PDGFC: variants seen among roughly 807,000 people sequenced by gnomAD.
PDGFC encodes platelet derived growth factor C.
In PDGFC, 12 loss-of-function variants were observed where a neutral mutation model predicts 35.5. The observed-to-expected ratio is 0.34, with a 90% CI of 0.22 to 0.55. The LOEUF (loss-of-function observed/expected upper bound fraction) is 0.55. Among genes scored for constraint, PDGFC ranks in the 20% least tolerant of loss-of-function variants. The pLI, the probability that PDGFC is intolerant of heterozygous loss-of-function variation, is 0.91. For synonymous variants in PDGFC, 159 were observed against 148.8 expected (o/e 1.07, Z -0.50); for missense variants, 322 against 412.4 (o/e 0.78, Z 1.90).
chr4:156,945,071 C>T (rs1320510624), intron 1 of PDGFC, among the ~76,000 whole-genome samples: 2 of 151,722 alleles, frequency 1.3e-5, no homozygotes, highest in Non-Finnish European at 2.9e-5. Context: ...ACTCTCTAAC[C>T]CCCAAAACAC....
chr4:156,962,626 T>C (rs1240885745), intron 1 of PDGFC, among the ~76,000 whole-genome samples: 2 of 152,164 alleles, frequency 1.3e-5, no homozygotes, highest in Admixed American at 1.3e-4. Context: ...ATGAAAACAA[T>C]GTTCTAATAA....
intron 3 of PDGFC, among the ~76,000 whole-genome samples, chr4:156,805,202 G>A (rs1016381144): frequency 1.3e-5 from 2 of 151,964 alleles, no homozygotes; most frequent in Admixed American, 6.6e-5. Context: ...TAATTTCCTA[G>A]CTGCAATAAA....
chr4:156,967,964 T>C (rs369889697), intron 1 of PDGFC, among the ~76,000 whole-genome samples: 7 of 152,294 alleles, frequency 4.6e-5, no homozygotes, highest in African/African-American at 1.7e-4. Context: ...GGATAAAACT[T>C]TGTACAGTAA....
At chr4:156,845,405 G>A (rs1307593467) in intron 2 of PDGFC, among the ~76,000 whole-genome samples, 1 of 151,668 alleles carries the variant, frequency 6.6e-6, no homozygotes, top group African/African-American at 2.4e-5. Context: ...TACAGAGAGA[G>A]AAGCTAGCCA....
At chr4:156,854,829 T>G (rs989346954) in intron 1 of PDGFC, among the ~76,000 whole-genome samples, 4 of 152,092 alleles carry the variant, frequency 2.6e-5, no homozygotes, top group African/African-American at 9.7e-5. Flanking sequence ...AAAAAAAAGT[T>G]TATAGTCAAA....
At chr4:156,797,780 G>A (rs1731488615) in intron 3 of PDGFC, among the ~76,000 whole-genome samples, 1 of 152,176 alleles carries the variant, frequency 6.6e-6, no homozygotes, top group African/African-American at 2.4e-5. Context: ...TTGAAGTACG[G>A]CTGCTGTGAT....
intron 2 of PDGFC, among the ~76,000 whole-genome samples, chr4:156,840,953 G>A (rs1441187398): frequency 6.6e-6 from 1 of 152,116 alleles, no homozygotes; most frequent in Non-Finnish European, 1.5e-5. Context: ...ATCAATGCCT[G>A]TACCCCCATT....
intron 1 of PDGFC, among the ~76,000 whole-genome samples, chr4:156,942,202 C>T (rs1335864158): frequency 6.6e-6 from 1 of 152,034 alleles, no homozygotes; most frequent in African/African-American, 2.4e-5. Context: ...TAAATACATG[C>T]CATTCCTTTG....
chr4:156,765,233 A>G (rs1730490852), intron 5 of PDGFC, among the ~76,000 whole-genome samples: 1 of 152,196 alleles, frequency 6.6e-6, no homozygotes, highest in South Asian at 2.1e-4. Context: ...AGAAAAATAG[A>G]CTTGGAAAAT....
intron 3 of PDGFC, among the ~76,000 whole-genome samples, chr4:156,780,868 A>G (rs1730959644): frequency 2.0e-5 from 3 of 152,152 alleles, no homozygotes; most frequent in Non-Finnish European, 4.4e-5. Context: ...TAACTGACCA[A>G]TCAGTGTGTG....
chr4:156,928,334 TC>T (rs749542407), intron 1 of PDGFC, among the ~76,000 whole-genome samples: 1 of 152,114 alleles, frequency 6.6e-6, no homozygotes, highest in Non-Finnish European at 1.5e-5. Flanking sequence ...CAAGAGATCC[TC>T]CCACCCCAGC....
chr4:156,830,751 T>G (rs1001196562), intron 2 of PDGFC, among the ~76,000 whole-genome samples: 1 of 152,168 alleles, frequency 6.6e-6, no homozygotes, highest in African/African-American at 2.4e-5. Flanking sequence ...AGCATGCAAT[T>G]CTTTAAAACA....
At chr4:156,781,085 A>G (rs1463807709) in intron 3 of PDGFC, among the ~76,000 whole-genome samples, 1 of 152,124 alleles carries the variant, frequency 6.6e-6, no homozygotes, top group Non-Finnish European at 1.5e-5. Context: ...CATATCATTT[A>G]TACGCGGACT....
At chr4:156,828,334 T>A (rs988067456) in intron 2 of PDGFC, among the ~76,000 whole-genome samples, 3 of 152,190 alleles carry the variant, frequency 2.0e-5, no homozygotes, top group South Asian at 2.1e-4. Context: ...GTCCTTTACT[T>A]CTTAACAGAT....
At chr4:156,938,924 A>G (rs1731744276) in intron 1 of PDGFC, among the ~76,000 whole-genome samples, 1 of 151,970 alleles carries the variant, frequency 6.6e-6, no homozygotes, top group African/African-American at 2.4e-5. Flanking sequence ...AGGTATAGTA[A>G]TTTTAAATTT....
intron 1 of PDGFC, among the ~76,000 whole-genome samples, chr4:156,853,764 C>T (rs908408133): frequency 6.6e-6 from 1 of 152,016 alleles, no homozygotes; most frequent in African/African-American, 2.4e-5. Context: ...GAGTTTGAGA[C>T]CAGCTTGGGC....
At chr4:156,907,052 G>A (rs1730930621) in intron 1 of PDGFC, among the ~76,000 whole-genome samples, 1 of 152,102 alleles carries the variant, frequency 6.6e-6, no homozygotes, top group South Asian at 2.1e-4. Context: ...TACTGTTTAT[G>A]AAATCTGTTT....
intron 3 of PDGFC, among the ~76,000 whole-genome samples, chr4:156,804,091 G>T (rs1172214991): frequency 3.5e-5 from 4 of 113,980 alleles, no homozygotes; most frequent in Non-Finnish European, 6.6e-5. Context: ...TTGTAACCCT[G>T]AAAAATACAC....
chr4:156,857,358 A>G (rs1345872219), intron 1 of PDGFC, among the ~76,000 whole-genome samples: 2 of 152,238 alleles, frequency 1.3e-5, no homozygotes, highest in Admixed American at 1.3e-4. Context: ...AGCAAGAAGC[A>G]GTGATTTTTA....
Sources: gnomAD v4.1 joint callset for allele counts (sites outside exome capture counted in the v4.1 genomes callset) on GRCh38, gnomAD v4.1.1 for gene constraint, MANE v1.5 for transcripts, NCBI Gene and HGNC (gene_info 2026-07-23, HGNC 2026-07-21) for gene names.